FBXO24: variants seen among roughly 807,000 people sequenced by gnomAD.
The protein encoded by FBXO24 is F-box only protein 24.
Under a neutral mutation model 63.5 loss-of-function variants are expected in FBXO24, and 30 were observed. The observed-to-expected ratio is 0.47, with a 90% CI of 0.35 to 0.64. The LOEUF is 0.64. FBXO24 is among the 30% of genes least tolerant of loss of function. The pLI, the probability that FBXO24 is intolerant of heterozygous loss-of-function variation, is 0.00. For synonymous variants in FBXO24, 300 were observed against 305.0 expected, an observed-to-expected ratio of 0.98 and a Z score of 0.17; for missense variants, 624 against 763.4, an observed-to-expected ratio of 0.82 and a Z score of 2.15.
intron 1 of FBXO24, chr7:100,589,368 C>T: frequency 8.8e-7 from 1 of 1,134,798 alleles, no homozygotes; most frequent in Admixed American, 4.8e-5. Context: ...AATAGGAAAA[C>T]TTCCTCCTGC....
chr7:100,594,258 A>C lies in FBXO24; in HGVS notation c.794-125A>C. ...GGGGACTTGGGGTCACTCTTCCCTTATTTCTTTCTCAGCCCCACTCTAGGG... is the reference window on the plus strand; with the variant it reads ...GGGGACTTGGGGTCACTCTTCCCTTCTTTCTTTCTCAGCCCCACTCTAGGG... On this transcript the variant is annotated intron_variant, in intron 5 of 9. Coordinates refer to ENST00000241071, the MANE Select transcript of FBXO24 (RefSeq NM_033506.3). The surrounding 1 kb of genome is among the most constrained non-coding windows in gnomAD (Gnocchi z 4.2). The C allele has an allele frequency of 9.4e-7, 1 of 1,069,444 alleles. No homozygotes were observed. Among genetic ancestry groups the C allele is most frequent in the South Asian group, 1.6e-5 (1 of 60,642 alleles). The allele number at this position is 1,069,444 out of a possible 1,614,324, so 66.2% of individuals were successfully genotyped here.
intron 8 of FBXO24, among the ~76,000 whole-genome samples, chr7:100,597,004 A>G (rs1034724579): frequency 6.6e-6 from 1 of 152,154 alleles, no homozygotes; most frequent in African/African-American, 2.4e-5. Flanking sequence ...ATCGTGCCAC[A>G]ACATTCCAGC....
Position 100,594,955 on chromosome 7 carries a change from T to G in FBXO24, c.953-147T>G. ...CCGAGGGAGACTCGGTCTCAAAAGA[T>G]GTGTTTTCAGTTCCCAGGCATCATA... On this transcript the variant is annotated intron_variant, in intron 6 of 9. Transcript: ENST00000241071. This position sits in a 1 kb window ranked among gnomAD's most constrained non-coding sequence, Gnocchi z 4.2. The G allele has an allele frequency of 2.6e-6, 3 of 1,132,432 alleles. No homozygotes were observed. Among genetic ancestry groups the G allele is most frequent in the South Asian group, 1.6e-5 (1 of 63,070 alleles). 70.1% of individuals were successfully genotyped at this position (1,132,432 alleles called of 1,614,324 possible).
intron 1 of FBXO24, 94 bp downstream of exon 1, chr7:100,586,758 TG>T: frequency 7.0e-7 from 1 of 1,419,360 alleles, no homozygotes; most frequent in Non-Finnish European, 9.9e-7. Context: ...GAGTGCGAGC[TG>T]GACGTGTTAG....
rs539297090 is a variant in FBXO24 at position 100,592,087 on chromosome 7, C to T, written c.558+185C>T. 9.2e-4 allele frequency: 519 copies of T among 566,952 alleles called. 1 individual carries two copies. The highest frequency in any genetic ancestry group is 8.3e-3 in the African/African-American group (440 of 53,050). The allele number at this position is 566,952 out of a possible 1,614,324, so 35.1% of individuals were successfully genotyped here. On this transcript the variant is annotated intron_variant, in intron 4 of 9. Transcript: ENST00000241071. ...ACCAGCCTGGCCAAATGGCGAAACC[C>T]GTCTCTACTAAAAATACAAAAATTA...
chr7:100,597,091 A>C (rs1281646896), intron 8 of FBXO24, among the ~76,000 whole-genome samples: 1 of 152,188 alleles, frequency 6.6e-6, no homozygotes, highest in Non-Finnish European at 1.5e-5. Flanking sequence ...TCTAGCTGGC[A>C]ATTAGATTCT....
intron 8 of FBXO24, among the ~76,000 whole-genome samples, chr7:100,596,654 G>C (rs1212366568): frequency 6.6e-6 from 1 of 152,194 alleles, no homozygotes; most frequent in East Asian, 1.9e-4. Context: ...GCCTGGTGCT[G>C]CAGCGAGAAT....
At chr7:100,591,940 T>C (rs1340267562) in intron 4 of FBXO24, 38 bp downstream of exon 4, 4 of 1,597,356 alleles carry the variant, frequency 2.5e-6, no homozygotes, top group Non-Finnish European at 3.4e-6. Context: ...AGCCCACCTG[T>C]ATTAGTCCAT....
chr7:100,586,575 G>A lies in FBXO24; in HGVS notation c.-51G>A, dbSNP rs1174694942. ...AAGAAGGCCAATTAGAGCCTCCGAA[G>A]GGAATCTGGACCTGCCTCTTCTCTG... On this transcript the variant is annotated 5_prime_UTR_variant, in exon 1 of 10. Transcript: ENST00000241071. 2.5e-6 allele frequency: 4 copies of A among 1,602,890 alleles called. No homozygotes were observed. The highest frequency in any genetic ancestry group is 1.3e-5 in the African/African-American group (1 of 74,882).
At chr7:100,589,938 G>A (rs758632340) in intron 1 of FBXO24, 39 bp from the exon 2 acceptor site, 8 of 1,590,316 alleles carry the variant, frequency 5.0e-6, no homozygotes, top group Non-Finnish European at 5.1e-6. Flanking sequence ...AAAAGGATGT[G>A]GGACCCTCAT....
At chr7:100,589,413 A>G in intron 1 of FBXO24, 2 of 1,213,166 alleles carry the variant, frequency 1.6e-6, no homozygotes, top group Non-Finnish European at 2.0e-6. Flanking sequence ...CCAGTAATTC[A>G]CACTTTATTT....
rs1346023727 is a variant in FBXO24 at position 100,591,697 on chromosome 7, G to A, written c.353G>A (p.Gly118Glu). ...YTKGLYFQAFGGRRRCLSKSV... is the reference protein window; with the variant it reads ...YTKGLYFQAFEGRRRCLSKSV... ...AAGGGCCTGTATTTCCAGGCATTTG[G>A]AGGCCGCCGCCGATGTCTCAGCAAG... Residue 118 changes from glycine to glutamate, a missense_variant, in exon 4 of 10, where the codon GGA becomes GAA. Transcript: ENST00000241071. The A allele has an allele frequency of 6.2e-7, 1 of 1,614,118 alleles. No individual in the cohort carries two copies. The highest frequency in any genetic ancestry group is 8.5e-7 in the Non-Finnish European group (1 of 1,180,012).
Position 100,593,220 on chromosome 7 carries a change from T to C in FBXO24, c.793+203T>C, listed in dbSNP as rs533079733. On this transcript the variant is annotated intron_variant, in intron 5 of 9. Transcript: ENST00000241071. ...ATATGAATAAAAGGCCCTGTCCAGG[T>C]GTGGTGGCTCACACCTGTAACCCCA... 25 of 535,108 alleles carry C rather than the reference T, an allele frequency of 4.7e-5. No homozygotes were observed. In the Admixed American group the frequency reaches 5.7e-4, roughly 12 times the overall value. The allele number at this position is 535,108 out of a possible 1,614,324, so 33.1% of individuals were successfully genotyped here.
In FBXO24 at chr7:100,600,265, C is replaced by G. The variant is rs1802527318; in HGVS notation, c.1377+64C>G. 6.9e-7 allele frequency: 1 copy of G among 1,455,470 alleles called. No homozygotes were observed. The allele number at this position is 1,455,470 out of a possible 1,614,324, so 90.2% of individuals were successfully genotyped here. On this transcript the variant is annotated intron_variant, in intron 9 of 9. Coordinates refer to ENST00000241071, the MANE Select transcript of FBXO24 (RefSeq NM_033506.3). This position sits in a 1 kb window ranked among gnomAD's most constrained non-coding sequence, Gnocchi z 6.3. ...TGAGAGCCATGAACCAGGAAGCCCA[C>G]AGGCTGTAGCTGGGGCTCCTGCAGG...
intron 8 of FBXO24, among the ~76,000 whole-genome samples, chr7:100,597,884 G>GTTTTTTTTT (rs1393606783): frequency 5.9e-5 from 8 of 136,252 alleles, no homozygotes; most frequent in Admixed American, 7.3e-5. Flanking sequence ...TGTTTTTTTT[G>GTTTTTTTTT]TTTTTTTTGT....
chr7:100,599,967 T>TACCACCCCC, intron 8 of FBXO24, 64 bp from the exon 9 acceptor site: 2 of 1,496,772 alleles, frequency 1.3e-6, no homozygotes, highest in Non-Finnish European at 1.8e-6. Flanking sequence ...GTCAACCTTT[T>TACCACCCCC]CCCACCCCAG....
At chr7:100,590,409 C>T (rs759062061) in intron 3 of FBXO24, 52 bp downstream of exon 3, 1 of 1,548,522 alleles carries the variant, frequency 6.5e-7, no homozygotes, top group South Asian at 1.2e-5. Context: ...CCGCCTTAGC[C>T]TTCCTGCTCT....
intron 3 of FBXO24, 125 bp from the exon 4 acceptor site, chr7:100,591,542 G>C: frequency 2.6e-6 from 2 of 781,170 alleles, no homozygotes; most frequent in South Asian, 1.7e-5. Context: ...GGGTCTGTTT[G>C]TTCCCCTGTC....
intron 8 of FBXO24, 44 bp from the exon 9 acceptor site, chr7:100,599,987 C>CGA: frequency 7.3e-7 from 1 of 1,364,924 alleles, no homozygotes; most frequent in Non-Finnish European, 1.0e-6. Context: ...GCCCCCCCGT[C>CGA]CCTTGGTGCT....
Sources: gnomAD v4.1 joint callset for allele counts (sites outside exome capture counted in the v4.1 genomes callset) on GRCh38, gnomAD v4.1.1 for gene constraint, Gnocchi (gnomAD v3.1) non-coding constraint, MANE v1.5 for transcripts, NCBI Gene and HGNC (gene_info 2026-07-23, HGNC 2026-07-21) for gene names.